The following NYAP2 variants were observed in gnomAD, a reference collection of about 807,000 sequenced individuals.
NYAP2 encodes the protein neuronal tyrosine-phosphorylated phosphoinositide-3-kinase adapter 2.
In NYAP2, 23 loss-of-function variants were observed where a neutral mutation model predicts 50.4. That is an observed-to-expected ratio of 0.46 (90% CI 0.33 to 0.65). NYAP2 has a LOEUF of 0.65. Among genes scored for constraint, NYAP2 ranks in the 30% least tolerant of loss-of-function variants. NYAP2 has a pLI of 0.02. For synonymous variants in NYAP2, 394 were observed against 365.2 expected (o/e 1.08, Z -0.90); for missense variants, 885 against 861.0 (o/e 1.03, Z -0.35).
intron 4 of NYAP2, among the ~76,000 whole-genome samples, chr2:225,553,784 T>G (rs1322861750): frequency 6.6e-6 from 1 of 152,068 alleles, no homozygotes; most frequent in Admixed American, 6.6e-5. Context: ...CACCTGTAAT[T>G]CCAGCATTTT....
At chr2:225,640,696 C>T (rs1439092021) in intron 6 of NYAP2, among the ~76,000 whole-genome samples, 1 of 152,092 alleles carries the variant, frequency 6.6e-6, no homozygotes, top group Admixed American at 6.5e-5. Flanking sequence ...TATATAAAGC[C>T]ATGAGGCTAC....
intron 3 of NYAP2, among the ~76,000 whole-genome samples, chr2:225,501,015 G>A (rs904774983): frequency 2.0e-5 from 3 of 152,162 alleles, no homozygotes; most frequent in Non-Finnish European, 4.4e-5. Context: ...ATGATGGTCT[G>A]GGCTGAGAAA....
At position 225,528,232 on chromosome 2, in the gene NYAP2, A is replaced by G. The variant is rs536443571; in HGVS notation, c.523+14560A>G. Among the ~76,000 whole-genome samples the G allele has an allele frequency of 7.3e-4, 111 of 152,328 alleles. 1 individual carries two copies. The highest frequency in any genetic ancestry group is 1.2e-3 in the Non-Finnish European group (82 of 68,032). On this transcript the variant is annotated intron_variant, in intron 4 of 6. Transcript: ENST00000636099. Reference sequence around the variant, plus strand: ...TGCAGCTATCTGGTTGAATGCTTCAAAAGTCAACTCATGGAAAGTTAATGA... The same window carrying G: ...TGCAGCTATCTGGTTGAATGCTTCAGAAGTCAACTCATGGAAAGTTAATGA...
chr2:225,511,650 G>T (rs754572534), intron 3 of NYAP2, among the ~76,000 whole-genome samples: 4 of 152,134 alleles, frequency 2.6e-5, no homozygotes, highest in Admixed American at 2.6e-4. Flanking sequence ...TTAAAGGTCA[G>T]AATCAAGAAT....
intron 4 of NYAP2, among the ~76,000 whole-genome samples, chr2:225,529,885 T>G (rs1691224442): frequency 6.6e-6 from 1 of 151,974 alleles, no homozygotes; most frequent in Non-Finnish European, 1.5e-5. Flanking sequence ...TTTTTTGTAT[T>G]TTTAGTAGAG....
intron 3 of NYAP2, among the ~76,000 whole-genome samples, chr2:225,468,920 T>C (rs1038317508): frequency 6.6e-6 from 1 of 152,160 alleles, no homozygotes; most frequent in South Asian, 2.1e-4. Flanking sequence ...TCTCTGCCAT[T>C]TGGCCAGGTA....
chr2:225,431,175 A>G (rs1695360562), intron 3 of NYAP2, among the ~76,000 whole-genome samples: 1 of 152,204 alleles, frequency 6.6e-6, no homozygotes, highest in East Asian at 1.9e-4. Flanking sequence ...TGATGAAACT[A>G]TAGTAACTCT....
intron 6 of NYAP2, among the ~76,000 whole-genome samples, chr2:225,641,542 C>T (rs1353130482): frequency 2.0e-5 from 3 of 151,228 alleles, no homozygotes; most frequent in Admixed American, 6.6e-5. Context: ...AGGCCAGGTG[C>T]GGTGGCTCAC....
chr2:225,645,162 G>T (rs549121560), intron 6 of NYAP2, among the ~76,000 whole-genome samples: 3 of 151,418 alleles, frequency 2.0e-5, no homozygotes, highest in Non-Finnish European at 4.4e-5. Context: ...GAATGCTGAG[G>T]CAAAAGAATC....
downstream of NYAP2, among the ~76,000 whole-genome samples, chr2:225,656,667 T>C (rs1693832084): frequency 1.3e-5 from 2 of 152,242 alleles, no homozygotes; most frequent in Non-Finnish European, 2.9e-5. Context: ...CCAGAATTGT[T>C]TTCTACAGAC....
At chr2:225,434,904 A>G (rs904384899) in intron 3 of NYAP2, among the ~76,000 whole-genome samples, 1 of 152,238 alleles carries the variant, frequency 6.6e-6, no homozygotes, top group South Asian at 2.1e-4. Context: ...ATATGATTAG[A>G]CTTGTCGAAT....
At chr2:225,531,306 T>C (rs1691250261) in intron 4 of NYAP2, among the ~76,000 whole-genome samples, 1 of 152,206 alleles carries the variant, frequency 6.6e-6, no homozygotes, top group African/African-American at 2.4e-5. Flanking sequence ...GAGTTTCTTT[T>C]CCAAGTTATT....
At chr2:225,444,966 GA>G (rs1199108101) in intron 3 of NYAP2, among the ~76,000 whole-genome samples, 1 of 152,150 alleles carries the variant, frequency 6.6e-6, no homozygotes, top group Non-Finnish European at 1.5e-5. Context: ...GATTTGGAAT[GA>G]AAAAACTATT....
At chr2:225,694,160 T>C in the NYAP2 span, among the ~76,000 whole-genome samples, 1 of 152,068 alleles carries the variant, frequency 6.6e-6, no homozygotes, top group Non-Finnish European at 1.5e-5. Flanking sequence ...GCCTTTGGAT[T>C]AAAGATAAGA....
the NYAP2 span, among the ~76,000 whole-genome samples, chr2:225,663,643 C>T: frequency 3.3e-5 from 5 of 152,014 alleles, no homozygotes; most frequent in Middle Eastern, 3.4e-3. Context: ...CTGCAACCTC[C>T]GCCTCCCAGG....
chr2:225,577,012 C>T (rs2106225683), intron 4 of NYAP2, among the ~76,000 whole-genome samples: 1 of 90,970 alleles, frequency 1.1e-5, no homozygotes, highest in East Asian at 2.7e-4. Context: ...CATGGTTTTA[C>T]ATTACACTTT....
upstream of NYAP2, among the ~76,000 whole-genome samples, chr2:225,398,799 A>T (rs778236122): frequency 1.3e-5 from 2 of 152,090 alleles, no homozygotes; most frequent in African/African-American, 4.8e-5. Context: ...AAAGCTAGAT[A>T]CACAAAGACC....
At chr2:225,496,270 T>A (rs1690503121) in intron 3 of NYAP2, among the ~76,000 whole-genome samples, 1 of 151,800 alleles carries the variant, frequency 6.6e-6, no homozygotes, top group Non-Finnish European at 1.5e-5. Context: ...TAATCAAAAG[T>A]CCAGATTGTG....
chr2:225,517,187 A>C (rs1163724941), intron 4 of NYAP2, among the ~76,000 whole-genome samples: 1 of 152,212 alleles, frequency 6.6e-6, no homozygotes, highest in African/African-American at 2.4e-5. Flanking sequence ...AAACACCTTT[A>C]AAAATTTATA....
Sources: gnomAD v4.1 joint callset for allele counts (sites outside exome capture counted in the v4.1 genomes callset) on GRCh38, gnomAD v4.1.1 for gene constraint, MANE v1.5 for transcripts, NCBI Gene and HGNC (gene_info 2026-07-23, HGNC 2026-07-21) for gene names.